The following COL6A5 variants were observed in gnomAD, a reference collection of about 807,000 sequenced individuals.
COL6A5 encodes collagen type VI alpha 5 chain.
A neutral mutation model predicts 65.6 loss-of-function variants in COL6A5; 48 were observed. That is an observed-to-expected ratio of 0.73 (90% CI 0.58 to 0.93). The LOEUF (loss-of-function observed/expected upper bound fraction) is 0.93. Among genes scored for constraint, COL6A5 ranks in the 40% least tolerant of loss-of-function variants. The pLI, the probability that COL6A5 is intolerant of heterozygous loss-of-function variation, is 0.00. For missense variants in COL6A5, 914 were observed against 928.3 expected (o/e 0.98, Z 0.20); for synonymous variants, 291 against 322.8 (o/e 0.90, Z 1.05).
chr3:130,395,042 T>G, exon 8 of COL6A5: 1 of 1,551,672 alleles, frequency 6.4e-7, no homozygotes, highest in South Asian at 1.2e-5. Context: ...TATGGCTCAA[T>G]TTGGAAGCAA....
chr3:130,438,637 C>A (rs894970519), intron 1 of COL6A5, among the ~76,000 whole-genome samples: 4 of 152,142 alleles, frequency 2.6e-5, no homozygotes, highest in African/African-American at 9.7e-5. Flanking sequence ...CAGCACTTTA[C>A]AGAAAAACAG....
intron 1 of COL6A5, among the ~76,000 whole-genome samples, chr3:130,363,022 A>G (rs1436216868): frequency 6.6e-6 from 1 of 152,208 alleles, no homozygotes; most frequent in African/African-American, 2.4e-5. Context: ...ATTGATACAG[A>G]TGCATTAATA....
intron 6 of COL6A5, among the ~76,000 whole-genome samples, chr3:130,470,256 A>C (rs1488645442): frequency 3.9e-5 from 6 of 152,076 alleles, no homozygotes; most frequent in Non-Finnish European, 8.8e-5. Context: ...TTGTAAGATC[A>C]AACAAGTCCT....
chr3:130,419,189 C>T (rs185783788), intron 25 of COL6A5, among the ~76,000 whole-genome samples: 1 of 152,008 alleles, frequency 6.6e-6, no homozygotes, highest in East Asian at 1.9e-4. Flanking sequence ...CATTTCAATA[C>T]CTTAACAACC....
intron 1 of COL6A5, among the ~76,000 whole-genome samples, chr3:130,352,117 TG>T (rs1934742232): frequency 6.6e-6 from 1 of 152,038 alleles, no homozygotes; most frequent in Admixed American, 6.6e-5. Flanking sequence ...TGAGAACACT[TG>T]GATACAGGGC....
chr3:130,471,884 G>A, intron 7 of COL6A5: 1 of 1,534,800 alleles, frequency 6.5e-7, no homozygotes, highest in Non-Finnish European at 8.7e-7. Flanking sequence ...ACATTTAGAA[G>A]AAATTTCAGC....
chr3:130,448,373 C>G (rs1401347894), intron 4 of COL6A5, among the ~76,000 whole-genome samples: 1 of 152,136 alleles, frequency 6.6e-6, no homozygotes, highest in Non-Finnish European at 1.5e-5. Flanking sequence ...AATCTCCCAG[C>G]AGCATAGAGA....
chr3:130,463,285 AG>A (rs1402244103), intron 5 of COL6A5, among the ~76,000 whole-genome samples: 1 of 151,220 alleles, frequency 6.6e-6, no homozygotes, highest in Non-Finnish European at 1.5e-5. Flanking sequence ...TTGCCTATGA[AG>A]AACACATGGT....
At chr3:130,374,376 C>T (rs1289151649) in intron 2 of COL6A5, among the ~76,000 whole-genome samples, 1 of 152,078 alleles carries the variant, frequency 6.6e-6, no homozygotes, top group African/African-American at 2.4e-5. Context: ...CACATCTAAA[C>T]ACAGAAAAGG....
At position 130,418,934 on chromosome 3, in the gene COL6A5, A is replaced by G; in HGVS notation, c.4950+3A>G. The G allele has an allele frequency of 1.3e-6, 2 of 1,550,610 alleles. No individual in the cohort carries two copies. The highest frequency in any genetic ancestry group is 1.7e-6 in the Non-Finnish European group (2 of 1,146,248). On this transcript the variant is annotated splice_donor_region_variant and intron_variant and NMD_transcript_variant, in intron 25 of 41. Coordinates refer to the COL6A5 transcript ENST00000312481. ...AAACTGGGCAGCGAGGAAGACAGGT[A>G]TGAAGTTTTGAAGTCCCTACCCTCC...
chr3:130,403,937 G>C (rs750645575), intron 13 of COL6A5, among the ~76,000 whole-genome samples: 1 of 152,016 alleles, frequency 6.6e-6, no homozygotes, highest in African/African-American at 2.4e-5. Context: ...TCTAAGTTTG[G>C]GGTAAGGAGG....
chr3:130,438,197 A>G (rs1405660971), intron 1 of COL6A5, among the ~76,000 whole-genome samples: 4 of 152,050 alleles, frequency 2.6e-5, no homozygotes, highest in Non-Finnish European at 4.4e-5. Flanking sequence ...GGGGTTTACT[A>G]TGTTGGTCAG....
intron 7 of COL6A5, among the ~76,000 whole-genome samples, chr3:130,479,165 T>C (rs190246797): frequency 2.0e-5 from 3 of 152,056 alleles, no homozygotes; most frequent in Admixed American, 6.6e-5. Context: ...GGGATCAGTG[T>C]CCTTATAATA....
At chr3:130,387,663 A>C (rs968376289) in intron 5 of COL6A5, among the ~76,000 whole-genome samples, 1 of 152,024 alleles carries the variant, frequency 6.6e-6, no homozygotes, top group Non-Finnish European at 1.5e-5. Flanking sequence ...TATATGGCTG[A>C]TGCTATGTTT....
chr3:130,449,272 G>T (rs144114088), intron 4 of COL6A5, among the ~76,000 whole-genome samples: 23 of 152,242 alleles, frequency 1.5e-4, no homozygotes, highest in African/African-American at 5.3e-4. Context: ...TAACTGGGAG[G>T]GGTTTAGTAA....
intron 26 of COL6A5, 42 bp from the exon 27 acceptor site, chr3:130,421,283 G>T (rs966983596): frequency 6.5e-7 from 1 of 1,548,566 alleles, no homozygotes; most frequent in Non-Finnish European, 8.7e-7. Context: ...TACTGCAGAA[G>T]TGATATGTTG....
At chr3:130,381,364 A>G (rs936111557) in intron 4 of COL6A5, among the ~76,000 whole-genome samples, 1 of 152,122 alleles carries the variant, frequency 6.6e-6, no homozygotes, top group Non-Finnish European at 1.5e-5. Flanking sequence ...AAAATATTCC[A>G]TTTAATGGAT....
intron 10 of COL6A5, among the ~76,000 whole-genome samples, chr3:130,399,427 G>A (rs1363543506): frequency 6.7e-6 from 1 of 149,054 alleles, no homozygotes; most frequent in Admixed American, 6.7e-5. Context: ...CTGGAGCGCA[G>A]TGGCCCGATC....
intron 1 of COL6A5, among the ~76,000 whole-genome samples, chr3:130,373,252 T>C (rs989861642): frequency 1.3e-5 from 2 of 152,188 alleles, no homozygotes; most frequent in African/African-American, 4.8e-5. Flanking sequence ...ATGCAATTGC[T>C]TCGTCTGGGT....
Sources: gnomAD v4.1 joint callset for allele counts (sites outside exome capture counted in the v4.1 genomes callset) on GRCh38, gnomAD v4.1.1 for gene constraint, MANE v1.5 for transcripts, NCBI Gene and HGNC (gene_info 2026-07-23, HGNC 2026-07-21) for gene names.